The following MTARC1 variants were observed in gnomAD, a reference collection of about 807,000 sequenced individuals.
MTARC1 encodes the protein mitochondrial amidoxime-reducing component 1.
In MTARC1, 24 loss-of-function variants were observed where a neutral mutation model predicts 33.6. The observed-to-expected ratio is 0.72, with a 90% CI of 0.52 to 1.01. The LOEUF (loss-of-function observed/expected upper bound fraction) is 1.01, where lower values mean the gene tolerates loss of function less well. Among genes scored for constraint, MTARC1 ranks in the 50% least tolerant of loss-of-function variants. The probability of loss-of-function intolerance (pLI) is 0.00; values close to 1 mark genes in which losing one functional copy is unlikely to be tolerated. For missense variants in MTARC1, 417 were observed against 445.7 expected, an observed-to-expected ratio of 0.94 and a Z score of 0.58; for synonymous variants, 187 against 189.5, an observed-to-expected ratio of 0.99 and a Z score of 0.11.
At chr1:220,801,881 G>A (rs766958437) in intron 4 of MTARC1, among the ~76,000 whole-genome samples, 15 of 152,032 alleles carry the variant, frequency 9.9e-5, no homozygotes, top group Non-Finnish European at 1.6e-4. Flanking sequence ...CTCAGCAACT[G>A]TGGCTTTTCG....
rs746900573 is a variant in MTARC1, at chr1:220,791,676, G to A, written c.449+12G>A. 6 of 1,613,158 alleles carry A rather than the reference G, an allele frequency of 3.7e-6. No individual in the cohort carries two copies. The highest frequency in any genetic ancestry group is 3.3e-5 in the South Asian group (3 of 91,068). On this transcript the variant is annotated intron_variant, in intron 2 of 6. Transcript: ENST00000366910. ...GTGCACAAGTGCAGGTAAGGAAAGG[G>A]CAGGTCGTAGCCCTTGTGTGAATGA...
chr1:220,798,750 G>A (rs1672697471), intron 4 of MTARC1: 3 of 811,222 alleles, frequency 3.7e-6, no homozygotes, highest in South Asian at 1.1e-4. Context: ...AGCTCTGGTT[G>A]TGCCTCAAAT....
chr1:220,794,145 CTG>C (rs1159885295), intron 2 of MTARC1: 1 of 152,186 alleles, frequency 6.6e-6, no homozygotes, highest in Admixed American at 6.5e-5. Context: ...ATATCCTCCA[CTG>C]TGTGTGCCCT....
At chr1:220,804,954 G>T in intron 4 of MTARC1, 98 bp from the exon 5 acceptor site, 1 of 1,282,978 alleles carries the variant, frequency 7.8e-7, no homozygotes, top group Non-Finnish European at 1.1e-6. Context: ...ACTGATGTGG[G>T]TGACATCGTT....
chr1:220,798,430 G>C, intron 4 of MTARC1: 1 of 985,384 alleles, frequency 1.0e-6, no homozygotes, highest in Non-Finnish European at 1.2e-6. Flanking sequence ...AAGGCTGCTG[G>C]GTGAGGGTTG....
chr1:220,813,480 C>A lies in MTARC1; in HGVS notation c.*62C>A, dbSNP rs1673203651. On this transcript the variant is annotated 3_prime_UTR_variant, in exon 7 of 7. Transcript: ENST00000366910. ...AAAAATGTTCTCAAAAATGACAACACTTGAAGCATGGTGTTTCAGAACTGA... is the reference window on the plus strand; with the variant it reads ...AAAAATGTTCTCAAAAATGACAACAATTGAAGCATGGTGTTTCAGAACTGA... 1.3e-6 allele frequency: 2 copies of A among 1,592,186 alleles called. No individual in the cohort carries two copies. Among genetic ancestry groups the A allele is most frequent in the Non-Finnish European group, 1.7e-6 (2 of 1,164,200 alleles).
At chr1:220,812,331 G>A (rs1558095299) in intron 6 of MTARC1, among the ~76,000 whole-genome samples, 1 of 152,352 alleles carries the variant, frequency 6.6e-6, no homozygotes, top group South Asian at 2.1e-4. Flanking sequence ...GCACTGGAGA[G>A]CCACGGAAGG....
At chr1:220,808,960 A>G (rs1673048806) in intron 6 of MTARC1, 1 of 467,718 alleles carries the variant, frequency 2.1e-6, no homozygotes. Flanking sequence ...AATATAGCAC[A>G]GTTACTGCAT....
At chr1:220,791,410 A>G (rs1252671653) in intron 1 of MTARC1, 81 bp from the exon 2 acceptor site, 2 of 1,470,626 alleles carry the variant, frequency 1.4e-6, no homozygotes, top group African/African-American at 2.8e-5. Context: ...AAAGATGACA[A>G]CAGTGTCTAA....
chr1:220,789,183 A>G (rs1179407377), intron 1 of MTARC1, among the ~76,000 whole-genome samples: 1 of 150,722 alleles, frequency 6.6e-6, no homozygotes, highest in East Asian at 1.9e-4. Context: ...CATCAGAGAG[A>G]AAGTAACAGC....
In MTARC1 at chr1:220,800,382, G is replaced by A. The variant is rs558771442; in HGVS notation, c.753+2368G>A. ...GAACAAGGGTTGAAGAAATGCACTT[G>A]CTTCTCCTAAGGAGCTCAGTGTGGT... On this transcript the variant is annotated intron_variant, in intron 4 of 6. Transcript: ENST00000366910. 2.7e-5 allele frequency among the ~76,000 whole-genome samples: 4 copies of A among 150,344 alleles called. No homozygotes were observed. The South Asian group carries it at 8.4e-4, about 32-fold the overall frequency.
At chr1:220,809,461 C>A (rs943417008) in intron 6 of MTARC1, among the ~76,000 whole-genome samples, 10 of 147,608 alleles carry the variant, frequency 6.8e-5, no homozygotes, top group African/African-American at 2.5e-4. Context: ...GCACCTCTCC[C>A]AGGAACGTTC....
In MTARC1 at chr1:220,818,985, C is replaced by T. The variant is rs1414939490; in HGVS notation, c.*5567C>T. On this transcript the variant is annotated 3_prime_UTR_variant, in exon 7 of 7. Coordinates refer to ENST00000366910, the MANE Select transcript of MTARC1 (RefSeq NM_022746.4). Reference sequence around the variant, plus strand: ...TGATCGTCCAGCGCTCACATAGCTACCGCGGATCTGAGCCCGTATGACTCA... The same window carrying T: ...TGATCGTCCAGCGCTCACATAGCTATCGCGGATCTGAGCCCGTATGACTCA... 6.6e-6 allele frequency: 1 copy of T among 152,168 alleles called. No homozygotes were observed. The highest frequency in any genetic ancestry group is 1.5e-5 in the Non-Finnish European group (1 of 68,042). 9.4% of individuals were successfully genotyped at this position (152,168 alleles called of 1,614,324 possible).
chr1:220,806,136 AAAC>A (rs1672964582), intron 6 of MTARC1, among the ~76,000 whole-genome samples: 1 of 152,252 alleles, frequency 6.6e-6, no homozygotes, highest in Non-Finnish European at 1.5e-5. Flanking sequence ...ACTTTCGTGA[AAAC>A]AACAATAACA....
At chr1:220,801,898 C>G (rs943714785) in intron 4 of MTARC1, among the ~76,000 whole-genome samples, 5 of 152,058 alleles carry the variant, frequency 3.3e-5, no homozygotes, top group African/African-American at 1.2e-4. Context: ...TTCGCTGCCT[C>G]CCTTCATCAT....
At position 220,791,575 on chromosome 1, in the gene MTARC1, T is replaced by C; in HGVS notation, c.360T>C (p.Asp120=). 6.2e-7 allele frequency: 1 copy of C among 1,614,200 alleles called. No homozygotes were observed. Among genetic ancestry groups the C allele is most frequent in the Middle Eastern group, 1.6e-4 (1 of 6,062 alleles). ...TGGTCCTGATTTCCCTGACCTGCGA[T>C]GGTGACACCCTGACTCTCAGTGCAG... ...PRLVLISLTC[D]GDTLTLSAAY... The change falls in exon 2 of 7, where the codon GAT becomes GAC. Residue 120 remains aspartate, a synonymous_variant. Transcript: ENST00000366910.
intron 4 of MTARC1, among the ~76,000 whole-genome samples, chr1:220,801,654 G>A (rs1248778640): frequency 6.6e-6 from 1 of 152,174 alleles, no homozygotes; most frequent in Admixed American, 6.5e-5. Context: ...CAGGTACTTG[G>A]TGTCAGGTTT....
intron 6 of MTARC1, 24 bp downstream of exon 6, chr1:220,805,298 A>C (rs770495950): frequency 6.2e-7 from 1 of 1,612,212 alleles, no homozygotes; most frequent in East Asian, 2.2e-5. Flanking sequence ...GACGGGGCTC[A>C]TCCTCGGGTT....
chr1:220,795,575 G>A (rs1410119076), intron 2 of MTARC1, among the ~76,000 whole-genome samples: 2 of 151,840 alleles, frequency 1.3e-5, no homozygotes, highest in Non-Finnish European at 2.9e-5. Flanking sequence ...CCAAGTATAC[G>A]GCTTTGTATG....
Sources: allele counts gnomAD v4.1 joint callset (sites outside exome capture counted in the v4.1 genomes callset), GRCh38; gene constraint gnomAD v4.1.1; transcripts MANE v1.5; gene names NCBI Gene and HGNC (gene_info 2026-07-23, HGNC 2026-07-21).